POLR1B: variants seen among roughly 807,000 people sequenced by gnomAD.
The protein encoded by POLR1B is DNA-directed RNA polymerase I subunit RPA2.
POLR1B carries 30 observed loss-of-function variants against 105.8 expected under a neutral mutation model. The observed-to-expected ratio is 0.28, with a 90% CI of 0.21 to 0.38. The LOEUF is 0.38. Among genes scored for constraint, POLR1B ranks in the 10% least tolerant of loss-of-function variants. The probability of loss-of-function intolerance (pLI) is 1.00; values close to 1 mark genes in which losing one functional copy is unlikely to be tolerated. For missense variants in POLR1B, 976 were observed against 1,435.8 expected, an observed-to-expected ratio of 0.68 and a Z score of 5.17; for synonymous variants, 485 against 505.1, an observed-to-expected ratio of 0.96 and a Z score of 0.53.
rs869087985 is a variant in POLR1B at position 112,546,544 on chromosome 2, C to CTTTTTTTTT, written c.178-441_178-433dup. 3.8e-4 allele frequency among the ~76,000 whole-genome samples: 20 copies of CTTTTTTTTT among 53,188 alleles called. 3 individuals carry two copies. The highest frequency in any genetic ancestry group is 7.5e-4 in the East Asian group (1 of 1,326). The allele number at this position is 53,188 out of a possible 152,430, so 34.9% of individuals were successfully genotyped here. ...GAAGTTATGAGTAGACTGGAGGTAG[C>CTTTTTTTTT]TTTTTTTTTTTTTTTTTTTTTTTTT... On this transcript the variant is annotated intron_variant, in intron 1 of 14. Transcript: ENST00000263331.
chr2:112,563,526 T>G (rs1423246599), intron 9 of POLR1B, among the ~76,000 whole-genome samples: 2 of 152,212 alleles, frequency 1.3e-5, no homozygotes, highest in Non-Finnish European at 2.9e-5. Context: ...TCAACTAAGT[T>G]TATGAAATAA....
chr2:112,569,037 C>A (rs1408956115), intron 12 of POLR1B, 135 bp downstream of exon 12: 3 of 952,302 alleles, frequency 3.2e-6, no homozygotes, highest in African/African-American at 3.4e-5. Flanking sequence ...TTTCTTTTTT[C>A]TGTGCCACAA....
chr2:112,556,214 T>A (rs1388765085), intron 7 of POLR1B, among the ~76,000 whole-genome samples: 1 of 152,168 alleles, frequency 6.6e-6, no homozygotes, highest in Non-Finnish European at 1.5e-5. Context: ...TGCCAGGCTC[T>A]TCTACTCAAA....
At chr2:112,558,371 C>T (rs1289901879) in intron 8 of POLR1B, among the ~76,000 whole-genome samples, 1 of 152,102 alleles carries the variant, frequency 6.6e-6, no homozygotes, top group Non-Finnish European at 1.5e-5. Context: ...GGTTGCTGTA[C>T]ATGCCCATCT....
intron 7 of POLR1B, chr2:112,553,736 G>C (rs1683496087): frequency 6.6e-6 from 1 of 152,208 alleles, no homozygotes; most frequent in Non-Finnish European, 1.5e-5. Flanking sequence ...CATTAAACAA[G>C]ATTGTATATT....
rs1685005294 is a variant in POLR1B at position 112,579,521 on chromosome 2, G to C, written c.*3792G>C. On this transcript the variant is annotated 3_prime_UTR_variant, in exon 15 of 15. Transcript: ENST00000263331. ...AAGTGAAGCAGTGGGAGTGGAAAAA[G>C]AACAAATAAATCTGTAAGTGGTTGT... The C allele has an allele frequency of 6.6e-6, 1 of 152,088 alleles. No homozygotes were observed. Among genetic ancestry groups the C allele is most frequent in the South Asian group, 2.1e-4 (1 of 4,834 alleles). The allele number at this position is 152,088 out of a possible 1,614,324, so 9.4% of individuals were successfully genotyped here. A position where few individuals can be genotyped will look rare whatever the true frequency, so the allele number is the denominator to read the frequency against.
chr2:112,556,647 A>G (rs1199389385), intron 7 of POLR1B, among the ~76,000 whole-genome samples: 2 of 152,184 alleles, frequency 1.3e-5, no homozygotes, highest in Non-Finnish European at 2.9e-5. Context: ...GTGTTGACTC[A>G]GGGGCCTGCT....
chr2:112,564,258 T>G, intron 9 of POLR1B, 108 bp from the exon 10 acceptor site: 1 of 1,311,810 alleles, frequency 7.6e-7, no homozygotes, highest in Non-Finnish European at 1.1e-6. Flanking sequence ...GAGACAAGGA[T>G]AATTTGATAT....
chr2:112,547,957 C>T (rs1199737713), intron 3 of POLR1B, among the ~76,000 whole-genome samples: 1 of 151,578 alleles, frequency 6.6e-6, no homozygotes. Flanking sequence ...GAGGCTGAGG[C>T]GGGAGCATCA....
Position 112,575,384 on chromosome 2 carries a change from C to T in POLR1B, c.3063C>T (p.Val1021=), listed in dbSNP as rs1216757461. The stretch of plus-strand genomic sequence containing the variant: ...GGACAACTGGAGCCCGAGACAGAGT[C>T]ACCAACCAGCCTATTGGGGGAAGAA... ...QVRTTGARDR[V]TNQPIGGRNV... is the part of the protein sequence containing the mutation. The change falls in exon 15 of 15, where the codon GTC becomes GTT. Residue 1021 remains valine, a synonymous_variant. Transcript: ENST00000263331. The surrounding 1 kb of genome is among the most constrained non-coding windows in gnomAD (Gnocchi z 5.3). 6.2e-7 allele frequency: 1 copy of T among 1,614,206 alleles called. No individual in the cohort carries two copies. Among genetic ancestry groups the T allele is most frequent in the South Asian group, 1.1e-5 (1 of 91,078 alleles).
In POLR1B at chr2:112,567,998, T is replaced by C. The variant is rs757782404; in HGVS notation, c.1778T>C (p.Met593Thr). The C allele has an allele frequency of 2.1e-5, 34 of 1,613,926 alleles. No homozygotes were observed. Among genetic ancestry groups the C allele is most frequent in the Non-Finnish European group, 2.4e-5 (28 of 1,179,982 alleles). Residue 593 changes from methionine to threonine, a missense_variant, in exon 11 of 15, where the codon ATG becomes ACG. Met to Thr is a moderately conservative substitution (Grantham distance 81, BLOSUM62 -1). Transcript: ENST00000263331. ...AGAGAGAAAAGAATTCCTCCCTGGATGGAAGTGGTCCTTATACCCATGACA... is the reference window on the plus strand; with the variant it reads ...AGAGAGAAAAGAATTCCTCCCTGGACGGAAGTGGTCCTTATACCCATGACA... ...VLREKRIPPWMEVVLIPMTGK... is the reference protein window; with the variant it reads ...VLREKRIPPWTEVVLIPMTGK...
chr2:112,572,446 C>A, intron 12 of POLR1B, 116 bp from the exon 13 acceptor site: 1 of 713,804 alleles, frequency 1.4e-6, no homozygotes, highest in South Asian at 2.7e-5. Flanking sequence ...ACTACCATGA[C>A]TATTTATTTG....
rs888316278 is a variant in POLR1B, at chr2:112,542,744, A to G, written c.177+73A>G. On this transcript the variant is annotated intron_variant, in intron 1 of 14. Transcript: ENST00000263331. Reference sequence around the variant, plus strand: ...AGGGAGGTGGCTGGGAGGTCACAGTATGACCCCAGATGCATGTGCTCCTTG... The same window carrying G: ...AGGGAGGTGGCTGGGAGGTCACAGTGTGACCCCAGATGCATGTGCTCCTTG... 2.2e-5 allele frequency: 34 copies of G among 1,544,142 alleles called. No homozygotes were observed. In the African/African-American group the frequency reaches 4.0e-4, roughly 18 times the overall value.
At chr2:112,556,253 TCCA>T (rs72026412) in intron 7 of POLR1B, among the ~76,000 whole-genome samples, 22,435 of 152,128 alleles carry the variant, frequency 0.15, 2,076 homozygotes, top group East Asian at 0.32. Context: ...CTTGATAAAG[TCCA>T]AACCTACATT....
At chr2:112,545,680 C>A (rs1278093342) in intron 1 of POLR1B, among the ~76,000 whole-genome samples, 5 of 151,342 alleles carry the variant, frequency 3.3e-5, no homozygotes, top group African/African-American at 9.7e-5. Flanking sequence ...CACTTTGTCA[C>A]CTAGGCTGGA....
chr2:112,571,461 T>C (rs1342241991), intron 12 of POLR1B, among the ~76,000 whole-genome samples: 1 of 152,176 alleles, frequency 6.6e-6, no homozygotes, highest in Non-Finnish European at 1.5e-5. Flanking sequence ...CATCACCTGG[T>C]TCAGTGCATG....
chr2:112,575,581 C>G lies in POLR1B; in HGVS notation c.3260C>G (p.Ser1087Cys), dbSNP rs755852997. Residue 1087 changes from serine to cysteine, a missense_variant, in exon 15 of 15, where the codon TCT (serine) becomes TGT (cysteine). Transcript: ENST00000263331. This position sits in a 1 kb window ranked among gnomAD's most constrained non-coding sequence, Gnocchi z 5.3. ...CCACTGTTGGAGAAGCCACCCCCTT[C>G]TTGGTCTGCCATGCGCAACAGAAAA... ...LSPLLEKPPP[S>C]WSAMRNRKYN... is the part of the protein sequence containing the mutation. 1.2e-6 allele frequency: 2 copies of G among 1,614,190 alleles called. No homozygotes were observed. Among genetic ancestry groups the G allele is most frequent in the Non-Finnish European group, 1.7e-6 (2 of 1,180,034 alleles).
chr2:112,568,676 C>G, intron 11 of POLR1B, 70 bp from the exon 12 acceptor site: 2 of 1,535,658 alleles, frequency 1.3e-6, no homozygotes, highest in Non-Finnish European at 1.8e-6. Context: ...GTACTGAACT[C>G]TGAGAAATGG....
chr2:112,573,511 T>A, intron 13 of POLR1B, 51 bp from the exon 14 acceptor site: 1 of 1,562,482 alleles, frequency 6.4e-7, no homozygotes, highest in Non-Finnish European at 8.6e-7. Context: ...TAGTTTTATT[T>A]TGAAAATCCT....
Sources: gnomAD v4.1 joint callset for allele counts (sites outside exome capture counted in the v4.1 genomes callset) on GRCh38, gnomAD v4.1.1 for gene constraint, Gnocchi (gnomAD v3.1) non-coding constraint, MANE v1.5 for transcripts, NCBI Gene and HGNC (gene_info 2026-07-23, HGNC 2026-07-21) for gene names.